The following ADAMTS12 variants were observed in gnomAD, a reference collection of about 807,000 sequenced individuals.
The protein encoded by ADAMTS12 is ADAM metallopeptidase with thrombospondin type 1 motif 12, also known as A disintegrin and metalloproteinase with thrombospondin motifs 12.
A neutral mutation model predicts 167.8 loss-of-function variants in ADAMTS12; 118 were observed. The observed-to-expected ratio is 0.70, with a 90% CI of 0.61 to 0.82. The LOEUF is 0.82. Ranked by LOEUF, ADAMTS12 falls within the 40% of genes least tolerant of loss-of-function variation. The probability of loss-of-function intolerance (pLI) is 0.00; values close to 1 mark genes in which losing one functional copy is unlikely to be tolerated. For synonymous variants in ADAMTS12, 704 were observed against 716.9 expected (o/e 0.98, Z 0.29); for missense variants, 1,916 against 1,998.8 (o/e 0.96, Z 0.79).
At chr5:33,855,464 C>T (rs1749364032) in intron 2 of ADAMTS12, among the ~76,000 whole-genome samples, 1 of 152,178 alleles carries the variant, frequency 6.6e-6, no homozygotes, top group African/African-American at 2.4e-5. Context: ...TCCATGGTGT[C>T]CTACATGTTA....
intron 2 of ADAMTS12, among the ~76,000 whole-genome samples, chr5:33,782,792 A>G (rs1035804366): frequency 2.6e-5 from 4 of 152,088 alleles, no homozygotes; most frequent in African/African-American, 9.7e-5. Context: ...CATAAAGTAA[A>G]AGACTGGCAA....
intron 2 of ADAMTS12, among the ~76,000 whole-genome samples, chr5:33,766,989 G>A (rs1486288086): frequency 6.6e-6 from 1 of 152,100 alleles, no homozygotes; most frequent in African/African-American, 2.4e-5. Context: ...TGTGCACAAA[G>A]ATACATATCC....
intron 2 of ADAMTS12, among the ~76,000 whole-genome samples, chr5:33,759,206 C>T (rs1004701790): frequency 6.6e-5 from 10 of 152,226 alleles, no homozygotes; most frequent in Non-Finnish European, 7.3e-5. Flanking sequence ...AACTCCCAAA[C>T]GGAGATTTCT....
At chr5:33,860,839 G>A (rs1286207056) in intron 2 of ADAMTS12, among the ~76,000 whole-genome samples, 3 of 152,168 alleles carry the variant, frequency 2.0e-5, no homozygotes, top group Non-Finnish European at 4.4e-5. Flanking sequence ...GGATCTCTCT[G>A]CAGAAACCCT....
intron 23 of ADAMTS12, among the ~76,000 whole-genome samples, chr5:33,531,544 G>A (rs1282720963): frequency 6.6e-6 from 1 of 152,214 alleles, no homozygotes; most frequent in Admixed American, 6.5e-5. Context: ...CTGGTACATA[G>A]ATGGTGCCAC....
At chr5:33,751,079 C>G in intron 3 of ADAMTS12, 1 of 421,580 alleles carries the variant, frequency 2.4e-6, no homozygotes, top group East Asian at 3.7e-5. Context: ...TTCCTGTAGA[C>G]TATTCAGAAG....
At chr5:33,643,692 T>C (rs148241659) in intron 9 of ADAMTS12, among the ~76,000 whole-genome samples, 59 of 152,342 alleles carry the variant, frequency 3.9e-4, no homozygotes, top group African/African-American at 1.3e-3. Context: ...CTAGGTAATA[T>C]GGAAATGAGG....
chr5:33,693,707 C>T lies in ADAMTS12; in HGVS notation c.635-9652G>A, dbSNP rs150096974. 9.8e-4 allele frequency among the ~76,000 whole-genome samples: 149 copies of T among 152,236 alleles called. 2 individuals are homozygous for T. In the Middle Eastern group the frequency reaches 0.017, roughly 17 times the overall value. ...TCACCTATGATATACCCACAGCTAA[C>T]ATCATATCAAATGACCAAAAGCTAG... On this transcript the variant is annotated intron_variant, in intron 3 of 23. Transcript: ENST00000504830.
At chr5:33,542,237 CAAAG>C (rs1310431782) in intron 22 of ADAMTS12, among the ~76,000 whole-genome samples, 4 of 152,002 alleles carry the variant, frequency 2.6e-5, no homozygotes, top group Non-Finnish European at 4.4e-5. Flanking sequence ...TCAAAAGAGA[CAAAG>C]AAAGCCATTA....
intron 2 of ADAMTS12, among the ~76,000 whole-genome samples, chr5:33,817,707 C>A (rs144464933): frequency 1.3e-5 from 2 of 151,934 alleles, no homozygotes; most frequent in Admixed American, 1.3e-4. Context: ...CACAGATTCT[C>A]TTTTAAAAAA....
intron 19 of ADAMTS12, among the ~76,000 whole-genome samples, chr5:33,564,858 A>G (rs190910690): frequency 2.0e-5 from 3 of 152,296 alleles, no homozygotes; most frequent in South Asian, 2.1e-4. Context: ...ATTAGAAACC[A>G]CTGGGTCTTA....
intron 2 of ADAMTS12, among the ~76,000 whole-genome samples, chr5:33,790,248 T>C (rs993956877): frequency 1.3e-5 from 2 of 152,156 alleles, no homozygotes; most frequent in African/African-American, 4.8e-5. Flanking sequence ...AACCAGTTGA[T>C]TGTCCTTTAG....
At chr5:33,721,753 C>G (rs1324044023) in intron 3 of ADAMTS12, among the ~76,000 whole-genome samples, 1 of 152,192 alleles carries the variant, frequency 6.6e-6, no homozygotes, top group Non-Finnish European at 1.5e-5. Context: ...TATTCCACAG[C>G]CTCTCCCTTC....
chr5:33,697,290 A>G (rs1223203205), intron 3 of ADAMTS12, among the ~76,000 whole-genome samples: 1 of 152,238 alleles, frequency 6.6e-6, no homozygotes, highest in Non-Finnish European at 1.5e-5. Context: ...TCCATAAGAA[A>G]CAGAATCACA....
At chr5:33,841,241 A>G (rs1282211173) in intron 2 of ADAMTS12, among the ~76,000 whole-genome samples, 3 of 151,992 alleles carry the variant, frequency 2.0e-5, no homozygotes, top group Non-Finnish European at 4.4e-5. Flanking sequence ...CTGCCCCACA[A>G]CCTCACAGTT....
At chr5:33,549,762 G>T (rs367749031) in intron 20 of ADAMTS12, among the ~76,000 whole-genome samples, 1 of 152,226 alleles carries the variant, frequency 6.6e-6, no homozygotes, top group East Asian at 1.9e-4. Context: ...TGGCCATTCC[G>T]TCTGGAAGTC....
chr5:33,575,447 G>A (rs1403859660), intron 19 of ADAMTS12, among the ~76,000 whole-genome samples: 2 of 152,312 alleles, frequency 1.3e-5, no homozygotes, highest in South Asian at 4.1e-4. Flanking sequence ...GGCTCAGAAA[G>A]ATAGATGAAT....
At position 33,760,356 on chromosome 5, in the gene ADAMTS12, G is replaced by A. The variant is rs538133187; in HGVS notation, c.490-8808C>T. Among the ~76,000 whole-genome samples the A allele has an allele frequency of 2.6e-5, 4 of 151,284 alleles. No homozygotes were observed. The South Asian group carries it at 8.3e-4, about 31-fold the overall frequency. On this transcript the variant is annotated intron_variant, in intron 2 of 23. Transcript: ENST00000504830. ...ATGTCTGTAATAGCTTGGCAGACTA[G>A]GACGATAAAAAGATGCCAAAAAAAA...
At chr5:33,622,083 A>G (rs1173111181) in intron 14 of ADAMTS12, among the ~76,000 whole-genome samples, 1 of 152,156 alleles carries the variant, frequency 6.6e-6, no homozygotes, top group African/African-American at 2.4e-5. Flanking sequence ...GGAGATGTCA[A>G]ATGCTCAGTG....
Sources: allele counts gnomAD v4.1 joint callset (sites outside exome capture counted in the v4.1 genomes callset), GRCh38; gene constraint gnomAD v4.1.1; transcripts MANE v1.5; gene names NCBI Gene and HGNC (gene_info 2026-07-23, HGNC 2026-07-21).